The following EBF1 variants were observed in gnomAD, a reference collection of about 807,000 sequenced individuals.
The protein encoded by EBF1 is transcription factor COE1.
Under a neutral mutation model 68.4 loss-of-function variants are expected in EBF1, and 10 were observed. That is an observed-to-expected ratio of 0.15 (90% CI 0.09 to 0.25). The LOEUF is 0.25. Among genes scored for constraint, EBF1 ranks in the 10% least tolerant of loss-of-function variants. The pLI, the probability that EBF1 is intolerant of heterozygous loss-of-function variation, is 1.00. For missense variants in EBF1, 509 were observed against 794.4 expected (o/e 0.64, Z 4.32); for synonymous variants, 298 against 299.8 (o/e 0.99, Z 0.06).
At chr5:158,846,138 G>A (rs1281618194) in intron 6 of EBF1, among the ~76,000 whole-genome samples, 6 of 152,090 alleles carry the variant, frequency 3.9e-5, no homozygotes, top group East Asian at 1.9e-4. Flanking sequence ...GATCCTTCCC[G>A]CAGATATTCA....
In EBF1 at chr5:158,867,639, G is replaced by A. The variant is rs534287272; in HGVS notation, c.555-27529C>T. ...CACAGCTCTGTGGGCTGAGTTCTTA[G>A]GGCAGACAATTCTCACCTGCCTTAG... On this transcript the variant is annotated intron_variant, in intron 6 of 15. Transcript: ENST00000313708. Among the ~76,000 whole-genome samples, 254 of 99,680 alleles carry A rather than the reference G, an allele frequency of 2.5e-3. 1 individual carries two copies. Among genetic ancestry groups the A allele is most frequent in the African/African-American group, 8.0e-3 (238 of 29,858 alleles). 65.4% of individuals were successfully genotyped at this position (99,680 alleles called of 152,430 possible).
At chr5:158,869,261 G>T (rs925853231) in intron 6 of EBF1, among the ~76,000 whole-genome samples, 2 of 152,014 alleles carry the variant, frequency 1.3e-5, no homozygotes, top group African/African-American at 4.8e-5. Context: ...CAGCAGAGAG[G>T]GCTTCACAAG....
At chr5:159,064,986 C>A (rs1049448580) in intron 6 of EBF1, among the ~76,000 whole-genome samples, 1 of 137,370 alleles carries the variant, frequency 7.3e-6, no homozygotes, top group African/African-American at 2.7e-5. Flanking sequence ...GTAGCTAAAC[C>A]TGATGCAGGT....
At chr5:158,814,199 C>T (rs1459361304) in intron 8 of EBF1, among the ~76,000 whole-genome samples, 1 of 152,094 alleles carries the variant, frequency 6.6e-6, no homozygotes, top group Non-Finnish European at 1.5e-5. Context: ...AATAATTAGC[C>T]TGATGTGATG....
At chr5:158,708,712 C>CT (rs1320135224) in intron 14 of EBF1, among the ~76,000 whole-genome samples, 5 of 152,068 alleles carry the variant, frequency 3.3e-5, no homozygotes, top group African/African-American at 1.2e-4. Flanking sequence ...CAGGTAGAGC[C>CT]TAAACTAAAG....
intron 6 of EBF1, among the ~76,000 whole-genome samples, chr5:158,881,668 C>T (rs1436109210): frequency 6.6e-6 from 1 of 152,202 alleles, no homozygotes; most frequent in Non-Finnish European, 1.5e-5. Flanking sequence ...CTCTTGTCAT[C>T]AGGGATATGG....
At chr5:159,012,127 A>T (rs1460271614) in intron 6 of EBF1, among the ~76,000 whole-genome samples, 2 of 152,068 alleles carry the variant, frequency 1.3e-5, no homozygotes, top group African/African-American at 4.8e-5. Flanking sequence ...TCTCTACTAA[A>T]AATACATAAA....
At chr5:158,844,481 T>A (rs1214481086) in intron 6 of EBF1, among the ~76,000 whole-genome samples, 1 of 152,210 alleles carries the variant, frequency 6.6e-6, no homozygotes, top group Non-Finnish European at 1.5e-5. Flanking sequence ...AGTCATGGTA[T>A]GTGTTTTCCA....
chr5:159,088,186 T>C (rs1181889072), intron 4 of EBF1, among the ~76,000 whole-genome samples: 1 of 152,130 alleles, frequency 6.6e-6, no homozygotes, highest in East Asian at 1.9e-4. Context: ...TACACACATG[T>C]ACCCCTATCA....
intron 5 of EBF1, 79 bp downstream of exon 5, chr5:159,084,586 AG>A: frequency 2.4e-5 from 30 of 1,242,116 alleles, no homozygotes; most frequent in East Asian, 1.1e-4. Context: ...AAAAAAAAAA[AG>A]ACCAAAGTTC....
intron 6 of EBF1, among the ~76,000 whole-genome samples, chr5:159,015,912 T>C (rs542423793): frequency 6.6e-6 from 1 of 152,278 alleles, no homozygotes; most frequent in South Asian, 2.1e-4. Flanking sequence ...ACACCACACA[T>C]GTGGATTTGT....
At position 159,091,275 on chromosome 5, in the gene EBF1, C is replaced by A. The variant is rs568773942; in HGVS notation, c.411+4345G>T. ...GAAGTACTAGGCCATCTGGCTCCGGCAATCTCTCCAAAACCATCAGCTTTG... is the reference window on the plus strand; with the variant it reads ...GAAGTACTAGGCCATCTGGCTCCGGAAATCTCTCCAAAACCATCAGCTTTG... On this transcript the variant is annotated intron_variant, in intron 4 of 15. Transcript: ENST00000313708. Among the ~76,000 whole-genome samples the A allele has an allele frequency of 3.3e-5, 5 of 152,342 alleles. No individual in the cohort carries two copies. The East Asian group carries it at 9.6e-4, about 29-fold the overall frequency.
chr5:159,081,088 C>T (rs975328030), intron 5 of EBF1, among the ~76,000 whole-genome samples: 7 of 152,174 alleles, frequency 4.6e-5, no homozygotes, highest in Non-Finnish European at 7.3e-5. Context: ...TCAAGCGATC[C>T]TCCCACCTCA....
At chr5:159,051,505 C>T (rs1436076408) in intron 6 of EBF1, among the ~76,000 whole-genome samples, 1 of 142,206 alleles carries the variant, frequency 7.0e-6, no homozygotes, top group East Asian at 2.2e-4. Flanking sequence ...TTTCGGCTTT[C>T]GCTGGCGACA....
intron 10 of EBF1, among the ~76,000 whole-genome samples, chr5:158,732,485 G>T (rs1464633914): frequency 6.6e-6 from 1 of 151,868 alleles, no homozygotes; most frequent in Admixed American, 6.6e-5. Context: ...TATACCAATA[G>T]AACTCTTTAA....
intron 5 of EBF1, among the ~76,000 whole-genome samples, chr5:159,078,418 A>G (rs1246388123): frequency 6.6e-6 from 1 of 152,242 alleles, no homozygotes; most frequent in Non-Finnish European, 1.5e-5. Context: ...AAAGCACTTA[A>G]CGGAAAAAGT....
At chr5:159,062,362 G>C (rs1233481483) in intron 6 of EBF1, among the ~76,000 whole-genome samples, 4 of 152,038 alleles carry the variant, frequency 2.6e-5, no homozygotes, top group African/African-American at 9.7e-5. Context: ...GCAAGCTCCC[G>C]TCTGCCCAGG....
chr5:158,913,863 G>A (rs1383227480), intron 6 of EBF1, among the ~76,000 whole-genome samples: 1 of 152,194 alleles, frequency 6.6e-6, no homozygotes, highest in Non-Finnish European at 1.5e-5. Context: ...AAACAACAAA[G>A]GCTTTAGTTT....
chr5:158,805,568 C>T (rs1781432218), intron 8 of EBF1, among the ~76,000 whole-genome samples: 1 of 151,994 alleles, frequency 6.6e-6, no homozygotes, highest in South Asian at 2.1e-4. Flanking sequence ...GTTCATATTA[C>T]CTTGGTCTTT....
Sources: gnomAD v4.1 joint callset for allele counts (sites outside exome capture counted in the v4.1 genomes callset) on GRCh38, gnomAD v4.1.1 for gene constraint, MANE v1.5 for transcripts, NCBI Gene and HGNC (gene_info 2026-07-23, HGNC 2026-07-21) for gene names.